RBM47: variants seen among roughly 807,000 people sequenced by gnomAD.
The protein encoded by RBM47 is RNA binding motif protein 47.
Under a neutral mutation model 47.1 loss-of-function variants are expected in RBM47, and 21 were observed. The observed-to-expected ratio is 0.45, with a 90% CI of 0.32 to 0.64. RBM47 has a LOEUF of 0.64. Among genes scored for constraint, RBM47 ranks in the 30% least tolerant of loss-of-function variants. The pLI, the probability that RBM47 is intolerant of heterozygous loss-of-function variation, is 0.05. For missense variants in RBM47, 708 were observed against 870.9 expected, an observed-to-expected ratio of 0.81 and a Z score of 2.35; for synonymous variants, 375 against 361.7, an observed-to-expected ratio of 1.04 and a Z score of -0.42.
intron 2 of RBM47, among the ~76,000 whole-genome samples, chr4:40,497,972 C>G (rs1722834032): frequency 6.7e-6 from 1 of 149,368 alleles, no homozygotes; most frequent in African/African-American, 2.5e-5. Context: ...GCCTGGATGA[C>G]AGAGCAAGAC....
At chr4:40,608,151 C>T (rs1257396208) in intron 1 of RBM47, among the ~76,000 whole-genome samples, 6 of 151,994 alleles carry the variant, frequency 3.9e-5, no homozygotes, top group Non-Finnish European at 5.9e-5. Context: ...TTTCGCAGTA[C>T]GCTAATTATA....
chr4:40,592,966 TATATATATATATA>T (rs1201348138), intron 1 of RBM47, among the ~76,000 whole-genome samples: 7 of 18,194 alleles, frequency 3.8e-4, no homozygotes, highest in African/African-American at 1.4e-3. Flanking sequence ...TATATATATA[TATATATATATATA>T]TTTTTTTTTT....
intron 2 of RBM47, among the ~76,000 whole-genome samples, chr4:40,482,820 A>T (rs1444620962): frequency 1.3e-5 from 2 of 152,218 alleles, no homozygotes; most frequent in African/African-American, 2.4e-5. Context: ...GAGTCTAAAA[A>T]TCTTTGAAAA....
intron 1 of RBM47, among the ~76,000 whole-genome samples, chr4:40,586,123 G>A (rs114750733): frequency 1.1e-3 from 170 of 152,324 alleles, no homozygotes; most frequent in African/African-American, 3.9e-3. Flanking sequence ...AACATGTTAG[G>A]GAGATAGCAT....
At chr4:40,558,686 G>A (rs1349304769) in intron 1 of RBM47, among the ~76,000 whole-genome samples, 3 of 152,036 alleles carry the variant, frequency 2.0e-5, no homozygotes, top group Non-Finnish European at 2.9e-5. Context: ...AAATTAGCCA[G>A]GTGTGGTGGT....
At chr4:40,516,261 CTTTT>C (rs541606790) in intron 2 of RBM47, among the ~76,000 whole-genome samples, 2 of 133,144 alleles carry the variant, frequency 1.5e-5, no homozygotes, top group Admixed American at 1.5e-4. Flanking sequence ...TCTTTTCTTT[CTTTT>C]TTTTTTTTTT....
chr4:40,445,398 G>C (rs1324150063), intron 3 of RBM47, among the ~76,000 whole-genome samples: 1 of 152,044 alleles, frequency 6.6e-6, no homozygotes, highest in Admixed American at 6.5e-5. Context: ...GATGAAGGTT[G>C]TTGGCTCAGC....
chr4:40,484,200 C>T (rs369929685), intron 2 of RBM47, among the ~76,000 whole-genome samples: 1 of 152,094 alleles, frequency 6.6e-6, no homozygotes, highest in African/African-American at 2.4e-5. Context: ...TGACAGTGGT[C>T]GTCTCTGGAG....
chr4:40,442,239 T>G (rs193263391), intron 3 of RBM47, among the ~76,000 whole-genome samples: 1 of 152,342 alleles, frequency 6.6e-6, no homozygotes, highest in Non-Finnish European at 1.5e-5. Flanking sequence ...AGACATTGAT[T>G]AATGCAATAT....
chr4:40,553,511 G>A (rs1441547262), intron 1 of RBM47, among the ~76,000 whole-genome samples: 1 of 152,118 alleles, frequency 6.6e-6, no homozygotes, highest in Admixed American at 6.6e-5. Context: ...TTGCCAGGCA[G>A]GTCTTGAACT....
At chr4:40,511,152 C>T (rs2154253414) in intron 2 of RBM47, among the ~76,000 whole-genome samples, 1 of 152,368 alleles carries the variant, frequency 6.6e-6, no homozygotes, top group Non-Finnish European at 1.5e-5. Flanking sequence ...CCGTGTAGTT[C>T]TGACTCCGAG....
In RBM47 at chr4:40,438,018, C is replaced by T. The variant is rs1188607012; in HGVS notation, c.876G>A (p.Glu292=). ...DYAFVHFTSR[E]DAVHAMNNLN... ...GGTTGTTCATGGCATGCACGGCATC[C>T]TCGCGGCTGGTGAAGTGCACGAAGG... is the stretch of plus-strand genomic sequence containing the variant. Residue 292 remains glutamate, a synonymous_variant, in exon 4 of 7, where the codon GAG becomes GAA. Coordinates refer to ENST00000295971, the MANE Select transcript of RBM47 (RefSeq NM_001098634.2). 6.2e-7 allele frequency: 1 copy of T among 1,613,734 alleles called. No homozygotes were observed. The highest frequency in any genetic ancestry group is 2.2e-5 in the East Asian group (1 of 44,880).
At chr4:40,561,098 T>C (rs1730575051) in intron 1 of RBM47, among the ~76,000 whole-genome samples, 1 of 152,062 alleles carries the variant, frequency 6.6e-6, no homozygotes, top group African/African-American at 2.4e-5. Context: ...CAATCAAGCC[T>C]GGTAAGGAAC....
At chr4:40,538,461 G>C (rs1728191448) in intron 2 of RBM47, among the ~76,000 whole-genome samples, 1 of 151,450 alleles carries the variant, frequency 6.6e-6, no homozygotes, top group Admixed American at 6.6e-5. Context: ...CAAGTAGCTG[G>C]GACTAGAGGC....
At chr4:40,441,539 G>C (rs1397641960) in intron 3 of RBM47, among the ~76,000 whole-genome samples, 1 of 152,126 alleles carries the variant, frequency 6.6e-6, no homozygotes, top group Non-Finnish European at 1.5e-5. Context: ...CTGTGACCTA[G>C]GCAGGAAATG....
rs531531413 is a variant in RBM47, at chr4:40,585,538, ATAGG to A, written c.-239-41036_-239-41033del. Reference sequence around the variant, plus strand: ...ACGTACATTATAACTGCCTATTGTTATAGGCCTATTGCCTCATACTAGCAGCCTT... The same window carrying A: ...ACGTACATTATAACTGCCTATTGTTACCTATTGCCTCATACTAGCAGCCTT... On this transcript the variant is annotated intron_variant, in intron 1 of 6. Transcript: ENST00000295971. Among the ~76,000 whole-genome samples the A allele has an allele frequency of 9.7e-3, 1,478 of 152,346 alleles. 32 individuals are homozygous for A. Among genetic ancestry groups the A allele is most frequent in the African/African-American group, 0.034 (1,422 of 41,568 alleles).
chr4:40,523,444 A>C (rs570685352), intron 2 of RBM47, among the ~76,000 whole-genome samples: 60 of 152,162 alleles, frequency 3.9e-4, no homozygotes, highest in African/African-American at 1.3e-3. Context: ...TGAGGTTAGT[A>C]GTTGGAGACC....
chr4:40,485,372 G>A (rs1720933700), intron 2 of RBM47, among the ~76,000 whole-genome samples: 1 of 152,186 alleles, frequency 6.6e-6, no homozygotes, highest in African/African-American at 2.4e-5. Context: ...AAGCCAAGTC[G>A]ACAGCTGCTT....
intron 2 of RBM47, among the ~76,000 whole-genome samples, chr4:40,534,101 C>A (rs1284546536): frequency 6.6e-6 from 1 of 152,052 alleles, no homozygotes; most frequent in Non-Finnish European, 1.5e-5. Context: ...CAGGCATGAG[C>A]CACCATGCCT....
Sources: allele counts gnomAD v4.1 joint callset (sites outside exome capture counted in the v4.1 genomes callset), GRCh38; gene constraint gnomAD v4.1.1; transcripts MANE v1.5; gene names NCBI Gene and HGNC (gene_info 2026-07-23, HGNC 2026-07-21).